The following PGGT1B variants were observed in gnomAD, a reference collection of about 807,000 sequenced individuals.
The protein encoded by PGGT1B is geranylgeranyl transferase type-1 subunit beta.
In PGGT1B, 30 loss-of-function variants were observed where a neutral mutation model predicts 46.1. The ratio of observed to expected loss-of-function variants is 0.65; its 90% confidence interval spans 0.49 to 0.88. The LOEUF (loss-of-function observed/expected upper bound fraction) is 0.88. Ranked by LOEUF, PGGT1B falls within the 40% of genes least tolerant of loss-of-function variation. PGGT1B has a pLI of 0.00. For synonymous variants in PGGT1B, 170 were observed against 160.0 expected, an observed-to-expected ratio of 1.06 and a Z score of -0.47; for missense variants, 376 against 455.9, an observed-to-expected ratio of 0.82 and a Z score of 1.60.
chr5:115,246,697 C>T (rs1425968306), intron 2 of PGGT1B, among the ~76,000 whole-genome samples: 1 of 152,112 alleles, frequency 6.6e-6, no homozygotes, highest in Non-Finnish European at 1.5e-5. Context: ...ATCTCCCCTC[C>T]CATGCCTGTT....
chr5:115,227,755 C>T (rs1268641091), intron 6 of PGGT1B, among the ~76,000 whole-genome samples: 2 of 152,158 alleles, frequency 1.3e-5, no homozygotes, highest in Non-Finnish European at 2.9e-5. Flanking sequence ...TTCTTTAATA[C>T]TCATAGTGGT....
At chr5:115,261,606 CT>C (rs1282299736) in intron 1 of PGGT1B, among the ~76,000 whole-genome samples, 2 of 152,120 alleles carry the variant, frequency 1.3e-5, no homozygotes, top group Non-Finnish European at 2.9e-5. Flanking sequence ...CAGCCCAGTC[CT>C]AAGTATAGAG....
intron 6 of PGGT1B, among the ~76,000 whole-genome samples, chr5:115,224,851 A>G (rs559010904): frequency 2.8e-4 from 42 of 151,040 alleles, no homozygotes; most frequent in Non-Finnish European, 5.5e-4. Context: ...AAAAAAAAAA[A>G]GTAGTAGTAT....
intron 3 of PGGT1B, among the ~76,000 whole-genome samples, chr5:115,239,006 A>G (rs569336245): frequency 2.0e-4 from 31 of 152,066 alleles, no homozygotes; most frequent in African/African-American, 6.7e-4. Context: ...CCTTTTTATA[A>G]TAATCTGAAC....
At chr5:115,251,480 C>T (rs993275806) in intron 2 of PGGT1B, among the ~76,000 whole-genome samples, 11 of 151,784 alleles carry the variant, frequency 7.2e-5, no homozygotes, top group African/African-American at 2.7e-4. Flanking sequence ...AAGAACAGAC[C>T]AAAAAATTGC....
chr5:115,237,808 C>G, intron 4 of PGGT1B, 50 bp downstream of exon 4: 4 of 1,510,842 alleles, frequency 2.6e-6, no homozygotes, highest in Non-Finnish European at 2.7e-6. Context: ...TTTTTTAGTT[C>G]CAATATATTT....
chr5:115,241,170 C>T (rs951261280), intron 3 of PGGT1B, among the ~76,000 whole-genome samples: 2 of 152,178 alleles, frequency 1.3e-5, no homozygotes, highest in African/African-American at 4.8e-5. Flanking sequence ...ACAAAGTTTA[C>T]TGGCTTCTTA....
chr5:115,219,783 T>C (rs1034474381), intron 7 of PGGT1B, among the ~76,000 whole-genome samples: 2 of 151,766 alleles, frequency 1.3e-5, no homozygotes, highest in African/African-American at 4.8e-5. Flanking sequence ...AGGGTTTGAA[T>C]AGATATATCT....
intron 2 of PGGT1B, among the ~76,000 whole-genome samples, chr5:115,248,238 T>C (rs1561483741): frequency 6.6e-6 from 1 of 152,208 alleles, no homozygotes; most frequent in Non-Finnish European, 1.5e-5. Context: ...GAGAAAAATC[T>C]GTACCTCACA....
rs566567370 is a variant in PGGT1B, at chr5:115,247,661, A to G, written c.259+5476T>C. 6.6e-5 allele frequency among the ~76,000 whole-genome samples: 10 copies of G among 152,328 alleles called. No individual in the cohort carries two copies. The East Asian group carries it at 1.9e-3, about 29-fold the overall frequency. ...AGAAAGTAATGAAACAAGGTAAATG[A>G]AACATTCAATAGCTAAAAAAAAAAT... On this transcript the variant is annotated intron_variant, in intron 2 of 8. Coordinates refer to ENST00000419445, the MANE Select transcript of PGGT1B (RefSeq NM_005023.4).
chr5:115,254,294 T>A (rs1024482301), intron 1 of PGGT1B, among the ~76,000 whole-genome samples: 1 of 152,078 alleles, frequency 6.6e-6, no homozygotes, highest in African/African-American at 2.4e-5. Context: ...ATTTCAGATT[T>A]TTTTTTGATT....
At chr5:115,260,608 A>G (rs1222529727) in intron 1 of PGGT1B, among the ~76,000 whole-genome samples, 1 of 152,200 alleles carries the variant, frequency 6.6e-6, no homozygotes, top group East Asian at 1.9e-4. Context: ...GTTAGGAAAG[A>G]GAAAAACTTA....
chr5:115,214,816 T>C (rs903394967), intron 8 of PGGT1B, among the ~76,000 whole-genome samples: 9 of 152,212 alleles, frequency 5.9e-5, no homozygotes, highest in African/African-American at 2.2e-4. Context: ...CCATTATTTG[T>C]TAAAACAGTA....
chr5:115,230,120 C>T (rs1181079264), intron 6 of PGGT1B, among the ~76,000 whole-genome samples: 2 of 151,738 alleles, frequency 1.3e-5, no homozygotes, highest in Admixed American at 6.6e-5. Context: ...AACAACAATC[C>T]TAAAGAAAGA....
chr5:115,257,963 G>A (rs1748394958), intron 1 of PGGT1B, among the ~76,000 whole-genome samples: 2 of 152,146 alleles, frequency 1.3e-5, no homozygotes, highest in South Asian at 4.1e-4. Context: ...AAGACTGCAT[G>A]AATTCTGGAA....
At chr5:115,246,543 A>G (rs1009915697) in intron 2 of PGGT1B, among the ~76,000 whole-genome samples, 3 of 152,228 alleles carry the variant, frequency 2.0e-5, no homozygotes, top group Non-Finnish European at 4.4e-5. Flanking sequence ...CTCTGGGTAC[A>G]GTATAAATTT....
At chr5:115,232,952 T>C (rs558119873) in intron 5 of PGGT1B, among the ~76,000 whole-genome samples, 1 of 151,946 alleles carries the variant, frequency 6.6e-6, no homozygotes, top group East Asian at 1.9e-4. Context: ...AAGAGAACCT[T>C]TTTCCTATCA....
At chr5:115,240,233 G>C (rs1309822494) in intron 3 of PGGT1B, among the ~76,000 whole-genome samples, 1 of 152,074 alleles carries the variant, frequency 6.6e-6, no homozygotes. Flanking sequence ...TGTGAACCAA[G>C]GGCAATAATG....
rs1748557621 is a variant in PGGT1B at position 115,261,610 on chromosome 5, G to A, written c.140+1102C>T. On this transcript the variant is annotated intron_variant, in intron 1 of 8. Transcript: ENST00000419445. Reference sequence around the variant, plus strand: ...ATTGGACAGGGCAGCCCAGTCCTAAGTATAGAGGTAAACAAGATAGACGAA... The same window carrying A: ...ATTGGACAGGGCAGCCCAGTCCTAAATATAGAGGTAAACAAGATAGACGAA... Among the ~76,000 whole-genome samples, 2 of 152,162 alleles carry A rather than the reference G, an allele frequency of 1.3e-5. 1 individual carries two copies. Among genetic ancestry groups the A allele is most frequent in the Admixed American group, 1.3e-4 (2 of 15,288 alleles).
Sources: gnomAD v4.1 joint callset for allele counts (sites outside exome capture counted in the v4.1 genomes callset) on GRCh38, gnomAD v4.1.1 for gene constraint, MANE v1.5 for transcripts, NCBI Gene and HGNC (gene_info 2026-07-23, HGNC 2026-07-21) for gene names.